The following DLC1 variants were observed in gnomAD, a reference collection of about 807,000 sequenced individuals.
DLC1 encodes rho GTPase-activating protein 7.
DLC1 carries 54 observed loss-of-function variants against 140.3 expected under a neutral mutation model. That is an observed-to-expected ratio of 0.38 (90% confidence interval 0.31 to 0.48). The LOEUF (loss-of-function observed/expected upper bound fraction) is 0.48, where lower values mean the gene tolerates loss of function less well. Among genes scored for constraint, DLC1 ranks in the 20% least tolerant of loss-of-function variants. DLC1 has a pLI of 0.96. For synonymous variants in DLC1, 986 were observed against 728.1 expected (o/e 1.35, Z -5.70); for missense variants, 2,536 against 1,907.0 (o/e 1.33, Z -6.14).
chr8:13,493,286 C>G (rs2117173888), intron 2 of DLC1, among the ~76,000 whole-genome samples: 1 of 152,336 alleles, frequency 6.6e-6, no homozygotes, highest in Middle Eastern at 3.4e-3. Context: ...TGATACTAAG[C>G]TTATTCACAA....
At chr8:13,491,710 T>A (rs974664920) in intron 2 of DLC1, among the ~76,000 whole-genome samples, 1 of 152,174 alleles carries the variant, frequency 6.6e-6, no homozygotes, top group African/African-American at 2.4e-5. Flanking sequence ...TTTTACATGA[T>A]TCCCTTGTCC....
chr8:13,488,366 G>T (rs1478676224), intron 2 of DLC1, among the ~76,000 whole-genome samples: 1 of 152,084 alleles, frequency 6.6e-6, no homozygotes, highest in Non-Finnish European at 1.5e-5. Flanking sequence ...ATACTAGCTA[G>T]GGAGCAAATT....
chr8:13,121,331 G>C (rs993573310), intron 5 of DLC1, among the ~76,000 whole-genome samples: 1 of 152,172 alleles, frequency 6.6e-6, no homozygotes, highest in African/African-American at 2.4e-5. Flanking sequence ...GGAAGATACT[G>C]CTTATCAATT....
intron 3 of DLC1, among the ~76,000 whole-genome samples, chr8:13,396,942 C>G (rs191098495): frequency 1.5e-4 from 23 of 151,948 alleles, no homozygotes; most frequent in African/African-American, 5.6e-4. Context: ...TGTTACCCGC[C>G]CCCCCCAACC....
chr8:13,102,885 T>G, intron 7 of DLC1, 32 bp from the exon 8 acceptor site: 23 of 1,594,660 alleles, frequency 1.4e-5, no homozygotes, highest in Non-Finnish European at 2.0e-5. Context: ...TTAGCAAAGA[T>G]AGGCAACCAC....
At chr8:13,546,310 T>G (rs1401635473) in intron 1 of DLC1, among the ~76,000 whole-genome samples, 3 of 152,160 alleles carry the variant, frequency 2.0e-5, no homozygotes, top group Non-Finnish European at 2.9e-5. Context: ...TTCGGTAATT[T>G]GTTTTCTTTT....
intron 1 of DLC1, among the ~76,000 whole-genome samples, chr8:13,578,024 G>A (rs920287513): frequency 2.6e-5 from 4 of 151,442 alleles, no homozygotes; most frequent in South Asian, 2.1e-4. Context: ...AAAAAAAAGT[G>A]TAATTCCTAC....
At chr8:13,154,903 TC>T (rs543193195) in intron 5 of DLC1, among the ~76,000 whole-genome samples, 182 of 151,956 alleles carry the variant, frequency 1.2e-3, no homozygotes, top group African/African-American at 3.8e-3. Context: ...ATTATAGCAA[TC>T]ACTGTTTTTT....
chr8:13,258,335 T>C (rs892986118), intron 5 of DLC1, among the ~76,000 whole-genome samples: 3 of 152,218 alleles, frequency 2.0e-5, no homozygotes, highest in African/African-American at 7.2e-5. Flanking sequence ...TACAGAGAAG[T>C]ACAGGAAAGT....
At chr8:13,384,429 G>C (rs910670590) in intron 4 of DLC1, among the ~76,000 whole-genome samples, 19 of 152,188 alleles carry the variant, frequency 1.2e-4, no homozygotes, top group African/African-American at 4.6e-4. Flanking sequence ...ACAAATACAA[G>C]TGGGAGAATG....
At chr8:13,534,738 G>A (rs1391202831) in intron 1 of DLC1, among the ~76,000 whole-genome samples, 1 of 152,156 alleles carries the variant, frequency 6.6e-6, no homozygotes, top group Non-Finnish European at 1.5e-5. Context: ...TACCTTCTGA[G>A]TAGCTGAATC....
chr8:13,118,120 C>T (rs1445975698), intron 5 of DLC1, among the ~76,000 whole-genome samples: 1 of 151,634 alleles, frequency 6.6e-6, no homozygotes, highest in Non-Finnish European at 1.5e-5. Flanking sequence ...AATGATCCTC[C>T]CACCTCCGCC....
intron 1 of DLC1, among the ~76,000 whole-genome samples, chr8:13,531,773 T>A (rs558700624): frequency 1.6e-3 from 249 of 152,328 alleles, no homozygotes; most frequent in Non-Finnish European, 2.6e-3. Context: ...CTATGTTTGA[T>A]GAAAACACGA....
chr8:13,477,339 A>C (rs1483809675), intron 2 of DLC1, among the ~76,000 whole-genome samples: 1 of 152,192 alleles, frequency 6.6e-6, no homozygotes, highest in Non-Finnish European at 1.5e-5. Flanking sequence ...GTTACGCGGT[A>C]AGTGCTGGTG....
chr8:13,233,025 T>C (rs1585969101), intron 5 of DLC1, among the ~76,000 whole-genome samples: 1 of 152,146 alleles, frequency 6.6e-6, no homozygotes, highest in Non-Finnish European at 1.5e-5. Flanking sequence ...CTGGGTGCAG[T>C]GCCTCATGCC....
chr8:13,397,834 T>G (rs1837116736), intron 3 of DLC1, among the ~76,000 whole-genome samples: 1 of 151,100 alleles, frequency 6.6e-6, no homozygotes, highest in African/African-American at 2.4e-5. Flanking sequence ...GCATGCAAAT[T>G]AAAAGAACAA....
At chr8:13,484,445 A>G (rs1800874889) in intron 2 of DLC1, among the ~76,000 whole-genome samples, 4 of 152,074 alleles carry the variant, frequency 2.6e-5, no homozygotes, top group Non-Finnish European at 5.9e-5. Context: ...AAACATTTTT[A>G]ATTTCTGAAA....
intron 5 of DLC1, among the ~76,000 whole-genome samples, chr8:13,282,217 G>T (rs1323992184): frequency 6.6e-6 from 1 of 152,174 alleles, no homozygotes; most frequent in African/African-American, 2.4e-5. Context: ...CTATTTTCAA[G>T]TTGCTTTGAA....
intron 1 of DLC1, among the ~76,000 whole-genome samples, chr8:13,577,290 A>C (rs1397169528): frequency 6.6e-6 from 1 of 152,168 alleles, no homozygotes; most frequent in Admixed American, 6.5e-5. Flanking sequence ...GCTGCAACTT[A>C]CCAAGCCTAT....
Sources: allele counts gnomAD v4.1 joint callset (sites outside exome capture counted in the v4.1 genomes callset), GRCh38; gene constraint gnomAD v4.1.1; transcripts MANE v1.5; gene names NCBI Gene and HGNC (gene_info 2026-07-23, HGNC 2026-07-21).